The following GABRB3 variants were observed in gnomAD, a reference collection of about 807,000 sequenced individuals.
GABRB3 encodes the protein gamma-aminobutyric acid receptor subunit beta-3.
A neutral mutation model predicts 52.1 loss-of-function variants in GABRB3; 14 were observed. The ratio of observed to expected loss-of-function variants is 0.27; its 90% CI spans 0.18 to 0.42. The LOEUF is 0.42. GABRB3 is among the 10% of genes least tolerant of loss of function. The probability of loss-of-function intolerance (pLI) is 1.00; values close to 1 mark genes in which losing one functional copy is unlikely to be tolerated. For synonymous variants in GABRB3, 260 were observed against 232.3 expected (o/e 1.12, Z -1.08); for missense variants, 307 against 609.1 (o/e 0.50, Z 5.22).
intron 3 of GABRB3, among the ~76,000 whole-genome samples, chr15:26,750,581 C>A (rs1361366595): frequency 1.3e-5 from 2 of 152,080 alleles, no homozygotes; most frequent in East Asian, 3.9e-4. Context: ...GCAGAATACT[C>A]AGAGACAAGT....
chr15:26,574,635 C>T (rs1890526616), intron 6 of GABRB3, among the ~76,000 whole-genome samples: 1 of 152,038 alleles, frequency 6.6e-6, no homozygotes, highest in African/African-American at 2.4e-5. Flanking sequence ...AAGTGAAAGA[C>T]CAGACACGAA....
intron 3 of GABRB3, among the ~76,000 whole-genome samples, chr15:26,634,236 G>T (rs1403272604): frequency 2.0e-5 from 3 of 152,056 alleles, no homozygotes; most frequent in Non-Finnish European, 4.4e-5. Flanking sequence ...TGATCCCACT[G>T]CCTTCTGAAC....
Position 26,618,539 on chromosome 15 carries a change from G to A in GABRB3, c.461+2775C>T, listed in dbSNP as rs541197743. Among the ~76,000 whole-genome samples, 650 of 152,212 alleles carry A rather than the reference G, an allele frequency of 4.3e-3. 4 individuals are homozygous for A. The highest frequency in any genetic ancestry group is 0.015 in the African/African-American group (628 of 41,538). On this transcript the variant is annotated intron_variant, in intron 4 of 8. Transcript: ENST00000311550. ...TTCAAGATGGATTAAAGACTTAAAC[G>A]TTAGACCTAAAAACCATAAAAACCC... is the stretch of plus-strand genomic sequence containing the variant.
chr15:26,625,214 C>G (rs960320476), intron 3 of GABRB3, among the ~76,000 whole-genome samples: 1 of 152,046 alleles, frequency 6.6e-6, no homozygotes, highest in Non-Finnish European at 1.5e-5. Flanking sequence ...GTGAGCTTGG[C>G]AGGGTGGGGC....
intron 3 of GABRB3, among the ~76,000 whole-genome samples, chr15:26,684,478 T>C (rs1317852900): frequency 3.3e-5 from 5 of 152,192 alleles, no homozygotes; most frequent in African/African-American, 9.7e-5. Flanking sequence ...TAATGTTTCC[T>C]TTGCACTCAC....
chr15:26,565,666 A>G (rs777403439), intron 7 of GABRB3, among the ~76,000 whole-genome samples: 1 of 152,220 alleles, frequency 6.6e-6, no homozygotes, highest in Non-Finnish European at 1.5e-5. Context: ...TTAATACTGT[A>G]GAAGGCAATA....
intron 3 of GABRB3, among the ~76,000 whole-genome samples, chr15:26,654,988 T>C (rs367914777): frequency 2.0e-5 from 3 of 152,060 alleles, no homozygotes; most frequent in Admixed American, 6.5e-5. Flanking sequence ...ATGCCCTGCT[T>C]AGCAATTATT....
chr15:26,600,425 C>T (rs893520716), intron 4 of GABRB3, among the ~76,000 whole-genome samples: 1 of 151,962 alleles, frequency 6.6e-6, no homozygotes, highest in East Asian at 1.9e-4. Context: ...TACACTAAGA[C>T]ATATAATAAT....
rs189255652 is a variant in GABRB3, at chr15:26,726,407, G to A, written c.240+45995C>T. Among the ~76,000 whole-genome samples, 4 of 152,262 alleles carry A rather than the reference G, an allele frequency of 2.6e-5. No homozygotes were observed. In the East Asian group the frequency reaches 7.7e-4, roughly 29 times the overall value. ...TGGTCTCATATTAACTAATTCACAA[G>A]TCTTATTTGAATGTCACTGATAGTT... is the stretch of plus-strand genomic sequence containing the variant. On this transcript the variant is annotated intron_variant, in intron 3 of 8. Transcript: ENST00000311550.
At chr15:26,597,979 A>C (rs2140773481) in intron 4 of GABRB3, among the ~76,000 whole-genome samples, 1 of 152,346 alleles carries the variant, frequency 6.6e-6, no homozygotes, top group Non-Finnish European at 1.5e-5. Context: ...TTCCAGCCTG[A>C]AGTACAAATG....
chr15:26,616,246 T>G (rs944544960), intron 4 of GABRB3, among the ~76,000 whole-genome samples: 1 of 152,142 alleles, frequency 6.6e-6, no homozygotes, highest in Non-Finnish European at 1.5e-5. Flanking sequence ...TTATCAAAAG[T>G]CACGTGTAAA....
intron 3 of GABRB3, among the ~76,000 whole-genome samples, chr15:26,769,467 C>T (rs867553411): frequency 1.9e-4 from 29 of 152,276 alleles, no homozygotes; most frequent in Admixed American, 7.2e-4. Context: ...TTTATAGGCT[C>T]CTTATTTCCT....
At chr15:26,717,650 C>G (rs1383181034) in intron 3 of GABRB3, among the ~76,000 whole-genome samples, 2 of 152,184 alleles carry the variant, frequency 1.3e-5, no homozygotes, top group Admixed American at 1.3e-4. Flanking sequence ...TCTCTCTCCC[C>G]CTGGCTCCCT....
intron 3 of GABRB3, among the ~76,000 whole-genome samples, chr15:26,634,919 A>G (rs931897063): frequency 8.9e-6 from 1 of 111,944 alleles, no homozygotes; most frequent in Non-Finnish European, 2.0e-5. Flanking sequence ...ATCTCTCTCC[A>G]AATATTAGAT....
chr15:26,642,076 C>T (rs879559999), intron 3 of GABRB3, among the ~76,000 whole-genome samples: 4 of 151,892 alleles, frequency 2.6e-5, no homozygotes, highest in East Asian at 1.9e-4. Context: ...GAATTTTTTG[C>T]GAGACAGGGT....
intron 3 of GABRB3, among the ~76,000 whole-genome samples, chr15:26,689,277 A>G (rs1888504488): frequency 1.3e-5 from 2 of 152,154 alleles, no homozygotes; most frequent in African/African-American, 4.8e-5. Flanking sequence ...CGTGTACTCA[A>G]TCACACCTGT....
At chr15:26,654,295 G>A (rs375992078) in intron 3 of GABRB3, among the ~76,000 whole-genome samples, 8 of 152,086 alleles carry the variant, frequency 5.3e-5, no homozygotes, top group East Asian at 1.9e-4. Context: ...ACAGGCGCCC[G>A]CCACCATGCC....
intron 3 of GABRB3, among the ~76,000 whole-genome samples, chr15:26,695,189 C>A (rs532593132): frequency 6.6e-6 from 1 of 151,892 alleles, no homozygotes; most frequent in Non-Finnish European, 1.5e-5. Flanking sequence ...GAATAAATGA[C>A]CCCCAAAAAA....
chr15:26,703,526 A>G (rs534753707), intron 3 of GABRB3, among the ~76,000 whole-genome samples: 2 of 152,314 alleles, frequency 1.3e-5, no homozygotes, highest in East Asian at 1.9e-4. Flanking sequence ...CAATAGCCCA[A>G]AAGTATTAAC....
Sources: allele counts gnomAD v4.1 joint callset (sites outside exome capture counted in the v4.1 genomes callset), GRCh38; gene constraint gnomAD v4.1.1; transcripts MANE v1.5; gene names NCBI Gene and HGNC (gene_info 2026-07-23, HGNC 2026-07-21).